The following LSR variants were observed in gnomAD, a reference collection of about 807,000 sequenced individuals.
LSR encodes the protein lipolysis stimulated lipoprotein receptor, also known as lipolysis-stimulated lipoprotein receptor.
LSR carries 44 observed loss-of-function variants against 61.8 expected under a neutral mutation model. That is an observed-to-expected ratio of 0.71 (90% CI 0.56 to 0.91). The LOEUF (loss-of-function observed/expected upper bound fraction) is 0.91. LSR is among the 40% of genes least tolerant of loss of function. The probability of loss-of-function intolerance (pLI) is 0.00; values close to 1 mark genes in which losing one functional copy is unlikely to be tolerated. For synonymous variants in LSR, 397 were observed against 350.6 expected, an observed-to-expected ratio of 1.13 and a Z score of -1.48; for missense variants, 911 against 830.5, an observed-to-expected ratio of 1.10 and a Z score of -1.19.
chr19:35,256,727 AAT>A (rs1436756115), intron 2 of LSR, among the ~76,000 whole-genome samples: 6 of 43,772 alleles, frequency 1.4e-4, no homozygotes, highest in East Asian at 3.9e-4. Flanking sequence ...TGAATGAATG[AAT>A]GAAAGAAAGA....
At chr19:35,256,982 G>A (rs1165587052) in intron 2 of LSR, among the ~76,000 whole-genome samples, 5 of 152,066 alleles carry the variant, frequency 3.3e-5, no homozygotes, top group African/African-American at 1.2e-4. Flanking sequence ...GACTACAGGT[G>A]CGTGCCACCA....
chr19:35,263,804 A>C (rs995568478), intron 5 of LSR, among the ~76,000 whole-genome samples: 1 of 151,670 alleles, frequency 6.6e-6, no homozygotes, highest in African/African-American at 2.4e-5. Flanking sequence ...CCTTAAACTT[A>C]AGCAAATTTT....
At chr19:35,256,353 C>T (rs777700292) in intron 2 of LSR, among the ~76,000 whole-genome samples, 4 of 151,992 alleles carry the variant, frequency 2.6e-5, no homozygotes, top group Non-Finnish European at 4.4e-5. Flanking sequence ...AAATAAAATA[C>T]CTTTTATGAA....
At chr19:35,258,299 A>T (rs985388834) in intron 2 of LSR, among the ~76,000 whole-genome samples, 10 of 152,192 alleles carry the variant, frequency 6.6e-5, no homozygotes, top group Non-Finnish European at 1.2e-4. Flanking sequence ...TGCAAAAATT[A>T]GCCAGGTGTG....
At chr19:35,259,641 A>G (rs1011156115) in intron 3 of LSR, among the ~76,000 whole-genome samples, 3 of 152,030 alleles carry the variant, frequency 2.0e-5, no homozygotes, top group Non-Finnish European at 4.4e-5. Context: ...CTGTCCAAAA[A>G]AAAAAAAAAT....
intron 2 of LSR, among the ~76,000 whole-genome samples, chr19:35,252,042 G>T (rs2065800300): frequency 6.6e-6 from 1 of 150,746 alleles, no homozygotes; most frequent in Non-Finnish European, 1.5e-5. Flanking sequence ...CACCGTTTTA[G>T]CCGGGATGGT....
intron 2 of LSR, among the ~76,000 whole-genome samples, chr19:35,252,648 CAAAAAAAAAAAA>C (rs57052855): frequency 5.3e-5 from 4 of 74,774 alleles, no homozygotes. Flanking sequence ...GACTCTGTCT[CAAAAAAAAAAAA>C]AAAAAAAAAG....
chr19:35,256,824 G>A (rs985788334), intron 2 of LSR, among the ~76,000 whole-genome samples: 13 of 152,034 alleles, frequency 8.6e-5, no homozygotes, highest in African/African-American at 3.1e-4. Context: ...TGAGGAGAGG[G>A]GGTTCGTTTC....
chr19:35,266,208 C>A, intron 5 of LSR, 151 bp from the exon 6 acceptor site: 1 of 587,470 alleles, frequency 1.7e-6, no homozygotes, highest in South Asian at 2.8e-5. Context: ...GGAATGAGGA[C>A]CAACAGGGAC....
chr19:35,250,728 G>T lies in LSR; in HGVS notation c.454+69G>T, dbSNP rs2065783345. The T allele has an allele frequency of 3.2e-6, 4 of 1,261,206 alleles. No homozygotes were observed. In the Admixed American group the frequency reaches 1.1e-4, roughly 34 times the overall value. The allele number at this position is 1,261,206 out of a possible 1,614,324, so 78.1% of individuals were successfully genotyped here. ...TGGTGGGACTGGCGTCCTTGTGCGG[G>T]ACCTGGAGTCCCCATCTGAAAGCTC... On this transcript the variant is annotated intron_variant, in intron 2 of 9. Transcript: ENST00000605618.
chr19:35,257,918 G>A (rs961183694), intron 2 of LSR, among the ~76,000 whole-genome samples: 17 of 152,162 alleles, frequency 1.1e-4, no homozygotes, highest in Non-Finnish European at 1.8e-4. Flanking sequence ...CCTGGAATGT[G>A]GGGATGGAAG....
chr19:35,266,016 G>T (rs542839857), intron 5 of LSR, among the ~76,000 whole-genome samples: 3 of 152,334 alleles, frequency 2.0e-5, no homozygotes, highest in Non-Finnish European at 4.4e-5. Flanking sequence ...TGGGGAGTTG[G>T]AAGTTTAGGT....
intron 2 of LSR, among the ~76,000 whole-genome samples, chr19:35,254,096 G>T (rs2065827996): frequency 6.6e-6 from 1 of 152,160 alleles, no homozygotes; most frequent in Non-Finnish European, 1.5e-5. Context: ...CACCCACTGT[G>T]CTGGGGTTTT....
At position 35,267,751 on chromosome 19, in the gene LSR, C is replaced by G; in HGVS notation, c.1770+17C>G. On this transcript the variant is annotated intron_variant, in intron 9 of 9. Coordinates refer to ENST00000605618, the MANE Select transcript of LSR (RefSeq NM_205834.4). Reference sequence around the variant, plus strand: ...CTCAAGAAGGTGAGGGCCGCCCTCCCTGGCGTCCAGACCGTCCCTGGGCCC... The same window carrying G: ...CTCAAGAAGGTGAGGGCCGCCCTCCGTGGCGTCCAGACCGTCCCTGGGCCC... The G allele has an allele frequency of 1.2e-6, 2 of 1,611,402 alleles. No homozygotes were observed. Among genetic ancestry groups the G allele is most frequent in the Non-Finnish European group, 1.7e-6 (2 of 1,179,166 alleles).
rs544309948 is a variant in LSR, at chr19:35,266,617, C to G, written c.953-62C>G. 36 of 1,598,860 alleles carry G rather than the reference C, an allele frequency of 2.3e-5. No homozygotes were observed. The East Asian group carries it at 4.7e-4, about 21-fold the overall frequency. On this transcript the variant is annotated intron_variant, in intron 6 of 9. Coordinates refer to ENST00000605618, the MANE Select transcript of LSR (RefSeq NM_205834.4). ...GGGCAGGGGCTGGAAGGAAGAGTGT[C>G]TTGGGAGCCGAGGAGGGGCTCTGCT...
intron 5 of LSR, among the ~76,000 whole-genome samples, chr19:35,263,845 C>T (rs1459872469): frequency 2.7e-5 from 4 of 150,614 alleles, no homozygotes; most frequent in South Asian, 2.1e-4. Flanking sequence ...TTCACTCTGT[C>T]GCCCAGGCTG....
chr19:35,262,756 GC>G, intron 5 of LSR, 64 bp downstream of exon 5: 1 of 1,578,594 alleles, frequency 6.3e-7, no homozygotes, highest in South Asian at 1.1e-5. Flanking sequence ...GAAGGAGGTG[GC>G]CATCCACCTG....
chr19:35,262,396 C>T (rs1211709357), intron 4 of LSR, 150 bp from the exon 5 acceptor site: 8 of 898,200 alleles, frequency 8.9e-6, no homozygotes, highest in Non-Finnish European at 1.2e-5. Context: ...GCCTCTGGCA[C>T]AAAAAATCCA....
chr19:35,250,512 GC>G lies in LSR; in HGVS notation c.310del (p.Gln104SerfsTer33). On this transcript the variant is annotated frameshift_variant, in exon 2 of 10. Transcript: ENST00000605618. LOFTEE classifies it high-confidence loss of function. ...GGCCAGCGTCGACAACCAGCTCAAT[GC>G]CCAGCTGGCAGCCGGGAACCCAGGC... ...SPASVDNQLN[A>X]QLAAGNPGYN... is the part of the protein sequence containing the mutation. The G allele has an allele frequency of 6.2e-7, 1 of 1,614,142 alleles. No homozygotes were observed. The highest frequency in any genetic ancestry group is 8.5e-7 in the Non-Finnish European group (1 of 1,180,026).
Sources: allele counts gnomAD v4.1 joint callset (sites outside exome capture counted in the v4.1 genomes callset), GRCh38; gene constraint gnomAD v4.1.1; transcripts MANE v1.5; gene names NCBI Gene and HGNC (gene_info 2026-07-23, HGNC 2026-07-21).